FSHR: variants seen among roughly 807,000 people sequenced by gnomAD.
FSHR encodes follicle-stimulating hormone receptor.
Under a neutral mutation model 52.1 loss-of-function variants are expected in FSHR, and 46 were observed. That is an observed-to-expected ratio of 0.88 (90% CI 0.70 to 1.13). The LOEUF (loss-of-function observed/expected upper bound fraction) is 1.13. Among genes scored for constraint, FSHR ranks in the 50% most tolerant of loss-of-function variants. The pLI is 0.00. For synonymous variants in FSHR, 399 were observed against 309.6 expected (o/e 1.29, Z -3.03); for missense variants, 964 against 834.6 (o/e 1.16, Z -1.91).
rs540355154 is a variant in FSHR at position 49,132,482 on chromosome 2, T to C, written c.152+21784A>G. On this transcript the variant is annotated intron_variant, in intron 1 of 9. Coordinates refer to ENST00000406846, the MANE Select transcript of FSHR (RefSeq NM_000145.4). Reference sequence around the variant, plus strand: ...TGTCACACTGTTTAAGAAACTGTTATGTCTGCCAAAAAGAACAGTTATTGG... The same window carrying C: ...TGTCACACTGTTTAAGAAACTGTTACGTCTGCCAAAAAGAACAGTTATTGG... Among the ~76,000 whole-genome samples, 6 of 152,312 alleles carry C rather than the reference T, an allele frequency of 3.9e-5. No individual in the cohort carries two copies. In the East Asian group the frequency reaches 1.2e-3, roughly 29 times the overall value.
chr2:49,144,442 A>T (rs1407145933), intron 1 of FSHR, among the ~76,000 whole-genome samples: 1 of 152,126 alleles, frequency 6.6e-6, no homozygotes, highest in Non-Finnish European at 1.5e-5. Flanking sequence ...ATGCCATTCA[A>T]AGACTGTGTG....
chr2:49,088,216 C>A (rs1243651909), intron 1 of FSHR, among the ~76,000 whole-genome samples: 6 of 151,944 alleles, frequency 3.9e-5, no homozygotes, highest in African/African-American at 1.5e-4. Flanking sequence ...AGAATGGGAC[C>A]CAGGGCTGGT....
At chr2:49,149,196 T>C (rs1485155461) in intron 1 of FSHR, among the ~76,000 whole-genome samples, 1 of 151,946 alleles carries the variant, frequency 6.6e-6, no homozygotes, top group Non-Finnish European at 1.5e-5. Context: ...AATGAGGAAG[T>C]TAGGAATGGT....
chr2:49,033,586 T>C (rs1344799823), intron 2 of FSHR, among the ~76,000 whole-genome samples: 4 of 152,090 alleles, frequency 2.6e-5, no homozygotes, highest in Non-Finnish European at 5.9e-5. Flanking sequence ...GCAACCAAGC[T>C]GCCTGCACTG....
In FSHR at chr2:49,007,266, A is replaced by T. The variant is rs367753736; in HGVS notation, c.374+10223T>A. ...TAGGGACATTGCATCCTCCTGTCAG[A>T]AGAGCCCTATAACCAAGTACTATAG... On this transcript the variant is annotated intron_variant, in intron 4 of 9. Coordinates refer to ENST00000406846, the MANE Select transcript of FSHR (RefSeq NM_000145.4). Among the ~76,000 whole-genome samples the T allele has an allele frequency of 5.3e-4, 80 of 152,044 alleles. 1 individual carries two copies. Among genetic ancestry groups the T allele is most frequent in the African/African-American group, 1.9e-3 (77 of 41,468 alleles).
chr2:49,127,805 C>T (rs1405946744), intron 1 of FSHR, among the ~76,000 whole-genome samples: 1 of 55,558 alleles, frequency 1.8e-5, no homozygotes, highest in Non-Finnish European at 3.2e-5. Context: ...TCTTCTTCTT[C>T]TTCTTCTTCT....
intron 1 of FSHR, among the ~76,000 whole-genome samples, chr2:49,125,339 A>T (rs1445060903): frequency 1.3e-5 from 2 of 152,334 alleles, no homozygotes; most frequent in Middle Eastern, 6.8e-3. Flanking sequence ...TCACAAAAAA[A>T]TCTCATAATG....
intron 1 of FSHR, among the ~76,000 whole-genome samples, chr2:49,112,207 G>A (rs1251210621): frequency 1.3e-5 from 2 of 152,078 alleles, no homozygotes; most frequent in Non-Finnish European, 2.9e-5. Flanking sequence ...CTGCAACTAG[G>A]TGTGACCAAA....
At chr2:49,092,675 T>A (rs1261132965) in intron 1 of FSHR, among the ~76,000 whole-genome samples, 1 of 152,198 alleles carries the variant, frequency 6.6e-6, no homozygotes, top group Non-Finnish European at 1.5e-5. Context: ...TTATTTTTAT[T>A]TTCATTTTTG....
At chr2:49,086,777 A>G (rs1670408630) in intron 1 of FSHR, among the ~76,000 whole-genome samples, 2 of 152,116 alleles carry the variant, frequency 1.3e-5, no homozygotes, top group South Asian at 2.1e-4. Context: ...GGTAGCTGGG[A>G]TTACAGGTGC....
intron 1 of FSHR, among the ~76,000 whole-genome samples, chr2:49,070,692 A>C (rs1038123925): frequency 1.3e-5 from 2 of 152,154 alleles, no homozygotes; most frequent in Non-Finnish European, 2.9e-5. Flanking sequence ...TAAAATTTTC[A>C]AGGACTATGT....
At chr2:49,046,893 C>G (rs1668681117) in intron 2 of FSHR, among the ~76,000 whole-genome samples, 1 of 152,182 alleles carries the variant, frequency 6.6e-6, no homozygotes. Context: ...AGCTCATTAG[C>G]TCCACAAGCT....
At chr2:48,998,550 T>C (rs905558291) in intron 4 of FSHR, among the ~76,000 whole-genome samples, 10 of 152,012 alleles carry the variant, frequency 6.6e-5, no homozygotes, top group African/African-American at 2.4e-4. Context: ...TTCCCTGATG[T>C]CAGCCAGAAC....
At chr2:48,970,081 CAG>C (rs1359514251) in intron 8 of FSHR, among the ~76,000 whole-genome samples, 1 of 152,168 alleles carries the variant, frequency 6.6e-6, no homozygotes, top group Admixed American at 6.5e-5. Flanking sequence ...AGTAGGCACT[CAG>C]AGTAATGAAA....
At chr2:49,114,841 T>G (rs189177643) in intron 1 of FSHR, among the ~76,000 whole-genome samples, 2 of 152,078 alleles carry the variant, frequency 1.3e-5, no homozygotes, top group African/African-American at 2.4e-5. Context: ...GAGATGAATA[T>G]TGTTACAATG....
chr2:49,004,945 A>G (rs767891699), intron 4 of FSHR, among the ~76,000 whole-genome samples: 1 of 152,116 alleles, frequency 6.6e-6, no homozygotes, highest in Non-Finnish European at 1.5e-5. Context: ...CCTATGTGCT[A>G]TTTGAGTGGG....
chr2:49,148,958 C>G (rs2103856922), intron 1 of FSHR, among the ~76,000 whole-genome samples: 1 of 151,778 alleles, frequency 6.6e-6, no homozygotes, highest in African/African-American at 2.4e-5. Context: ...GGTGTGCAGG[C>G]TAGTTTGGAG....
At chr2:49,138,416 G>C (rs762794636) in intron 1 of FSHR, among the ~76,000 whole-genome samples, 24 of 152,168 alleles carry the variant, frequency 1.6e-4, no homozygotes, top group Admixed American at 3.3e-4. Flanking sequence ...GTTTAAAACA[G>C]CATCATTCAT....
chr2:49,134,842 A>G (rs1215752004), intron 1 of FSHR, among the ~76,000 whole-genome samples: 1 of 151,776 alleles, frequency 6.6e-6, no homozygotes, highest in Non-Finnish European at 1.5e-5. Flanking sequence ...GCATATTCTC[A>G]CTCATAGGTG....
Sources: gnomAD v4.1 joint callset for allele counts (sites outside exome capture counted in the v4.1 genomes callset) on GRCh38, gnomAD v4.1.1 for gene constraint, MANE v1.5 for transcripts, NCBI Gene and HGNC (gene_info 2026-07-23, HGNC 2026-07-21) for gene names.